The following VAMP7 variants were observed in gnomAD, a reference collection of about 807,000 sequenced individuals.
VAMP7 encodes vesicle associated membrane protein 7.
In VAMP7, 14 loss-of-function variants were observed where a neutral mutation model predicts 29.6. The observed-to-expected ratio is 0.47, with a 90% CI of 0.31 to 0.74. The LOEUF (loss-of-function observed/expected upper bound fraction) is 0.74. VAMP7 is among the 30% of genes least tolerant of loss of function. VAMP7 has a pLI of 0.05. For synonymous variants in VAMP7, 95 were observed against 88.1 expected, an observed-to-expected ratio of 1.08 and a Z score of -0.44; for missense variants, 223 against 262.4, an observed-to-expected ratio of 0.85 and a Z score of 1.04.
At chrX:155,930,529 A>G (rs1235386715) in intron 6 of VAMP7, among the ~76,000 whole-genome samples, 1 of 151,260 alleles carries the variant, frequency 6.6e-6, no homozygotes, top group Non-Finnish European at 1.5e-5. Context: ...GTGCACCTGT[A>G]GTCCTAGCTA....
intron 6 of VAMP7, among the ~76,000 whole-genome samples, chrX:155,936,082 C>CG (rs199777820): frequency 1 from 152,096 of 152,140 alleles, 76,026 homozygotes; most frequent in Middle Eastern, 1. Context: ...GAGGGGTACC[C>CG]GCCGTGTGAG....
intron 2 of VAMP7, among the ~76,000 whole-genome samples, chrX:155,891,615 TC>T (rs1406002503): frequency 6.6e-6 from 1 of 152,232 alleles, no homozygotes; most frequent in East Asian, 1.9e-4. Flanking sequence ...GTCATTGCTT[TC>T]CAGTAATGAT....
At position 155,896,552 on chromosome X, in the gene VAMP7, C is replaced by T. The variant is rs145121223; in HGVS notation, c.204+872C>T. On this transcript the variant is annotated intron_variant, in intron 3 of 7. Transcript: ENST00000286448. ...GTCCTTTCTCTTCTCTGCTTATCTC[C>T]GTGTCTCCTTCTTCCCAGACAGGTT... is the stretch of plus-strand genomic sequence containing the variant. Among the ~76,000 whole-genome samples, 257 of 152,274 alleles carry T rather than the reference C, an allele frequency of 1.7e-3. 8 individuals are homozygous for T. The East Asian group carries it at 0.044, about 26-fold the overall frequency.
chrX:155,930,641 A>T (rs2066536162), intron 6 of VAMP7, among the ~76,000 whole-genome samples: 1 of 147,178 alleles, frequency 6.8e-6, no homozygotes, highest in East Asian at 2.0e-4. Flanking sequence ...CAGAGGGGTG[A>T]CCTCCATCTC....
intron 6 of VAMP7, among the ~76,000 whole-genome samples, chrX:155,926,243 C>T (rs1040598377): frequency 4.6e-5 from 7 of 152,148 alleles, no homozygotes; most frequent in South Asian, 2.1e-4. Context: ...CTATGAAAGT[C>T]CTAGATGGCA....
Position 155,939,687 on chromosome X carries a change from C to T in VAMP7, c.502-14C>T, listed in dbSNP as rs780851005. 55 of 1,601,930 alleles carry T rather than the reference C, an allele frequency of 3.4e-5. No individual in the cohort carries two copies. The highest frequency in any genetic ancestry group is 4.5e-5 in the Non-Finnish European group (53 of 1,169,174). On this transcript the variant is annotated splice_polypyrimidine_tract_variant and intron_variant, in intron 6 of 7. Coordinates refer to ENST00000286448, the MANE Select transcript of VAMP7 (RefSeq NM_005638.6). Reference sequence around the variant, plus strand: ...TCAGTGCCAGGGGTTAAACAATTCTCGCCTCTTTTCTAGTCTGTCACCTTC... The same window carrying T: ...TCAGTGCCAGGGGTTAAACAATTCTTGCCTCTTTTCTAGTCTGTCACCTTC...
intron 1 of VAMP7, among the ~76,000 whole-genome samples, chrX:155,885,638 A>G (rs1302132131): frequency 4.6e-5 from 7 of 152,174 alleles, no homozygotes; most frequent in Admixed American, 2.0e-4. Context: ...CCTTTATCCA[A>G]TATGACTGGC....
At chrX:155,909,893 G>A (rs1357521308) in intron 5 of VAMP7, among the ~76,000 whole-genome samples, 1 of 152,116 alleles carries the variant, frequency 6.6e-6, no homozygotes, top group Non-Finnish European at 1.5e-5. Flanking sequence ...TAATGATCAA[G>A]TCAGGATATA....
chrX:155,942,301 A>G lies in VAMP7; in HGVS notation c.*350A>G, dbSNP rs1156285490. On this transcript the variant is annotated 3_prime_UTR_variant, in exon 8 of 8. Transcript: ENST00000286448. ...TGAGCTATCTACTAAAACTATGGAG[A>G]AACTTTGTATGTGCACACAAAAGTA... 12 of 860,264 alleles carry G rather than the reference A, an allele frequency of 1.4e-5. No homozygotes were observed. Among genetic ancestry groups the G allele is most frequent in the East Asian group, 2.7e-5 (1 of 37,500 alleles). The allele number at this position is 860,264 out of a possible 1,614,324, so 53.3% of individuals were successfully genotyped here. A position where few individuals can be genotyped will look rare whatever the true frequency, so the allele number is the denominator to read the frequency against.
intron 6 of VAMP7, among the ~76,000 whole-genome samples, chrX:155,930,395 T>C (rs1227007811): frequency 2.0e-5 from 3 of 151,880 alleles, no homozygotes; most frequent in Non-Finnish European, 4.4e-5. Flanking sequence ...CTAATACTTA[T>C]ACTTTGGGAG....
intron 6 of VAMP7, among the ~76,000 whole-genome samples, chrX:155,931,807 C>T (rs188387927): frequency 1.8e-4 from 27 of 152,230 alleles, no homozygotes; most frequent in South Asian, 1.2e-3. Flanking sequence ...AATGGTATTA[C>T]CTAGGTTTTC....
At chrX:155,928,352 T>G (rs1273103571) in intron 6 of VAMP7, among the ~76,000 whole-genome samples, 1 of 152,208 alleles carries the variant, frequency 6.6e-6, no homozygotes. Flanking sequence ...AAAATTTATT[T>G]TCTCCCACTA....
chrX:155,909,699 G>A (rs764011148), intron 5 of VAMP7, among the ~76,000 whole-genome samples: 25 of 152,272 alleles, frequency 1.6e-4, no homozygotes, highest in Admixed American at 3.3e-4. Context: ...AGATCACGGT[G>A]CCAGTATGGT....
rs981656928 is a variant in VAMP7, at chrX:155,939,769, T to G, written c.570T>G (p.Thr190=). ...RAMCMKNLKL[T]IIIIIVSIVF... Reference sequence around the variant, plus strand: ...TGTGTATGAAGAACCTCAAGCTCACTATTATCATCATCATCGTATCAATTG... The same window carrying G: ...TGTGTATGAAGAACCTCAAGCTCACGATTATCATCATCATCGTATCAATTG... The change falls in exon 7 of 8, where the codon ACT becomes ACG. Residue 190 remains threonine, a synonymous_variant. Coordinates refer to ENST00000286448, the MANE Select transcript of VAMP7 (RefSeq NM_005638.6). 1 of 1,610,802 alleles carries G rather than the reference T, an allele frequency of 6.2e-7. No homozygotes were observed. Among genetic ancestry groups the G allele is most frequent in the Non-Finnish European group, 8.5e-7 (1 of 1,176,976 alleles).
intron 5 of VAMP7, among the ~76,000 whole-genome samples, chrX:155,913,679 T>C (rs1202725673): frequency 6.6e-6 from 1 of 152,084 alleles, no homozygotes; most frequent in African/African-American, 2.4e-5. Context: ...GATCAGATGG[T>C]TGTAGATGTG....
chrX:155,915,118 C>A (rs1447703035), intron 5 of VAMP7, among the ~76,000 whole-genome samples: 1 of 152,210 alleles, frequency 6.6e-6, no homozygotes, highest in East Asian at 1.9e-4. Context: ...GGAATTTATC[C>A]ATTTCTTCCA....
At chrX:155,925,251 A>G (rs1253453550) in intron 6 of VAMP7, among the ~76,000 whole-genome samples, 2 of 152,178 alleles carry the variant, frequency 1.3e-5, no homozygotes, top group East Asian at 3.9e-4. Flanking sequence ...GGCATCTAGA[A>G]TGGTGAATCC....
chrX:155,904,533 A>G (rs1334741910), intron 5 of VAMP7, among the ~76,000 whole-genome samples: 1 of 152,004 alleles, frequency 6.6e-6, no homozygotes, highest in Admixed American at 6.6e-5. Flanking sequence ...CATTGCTGCG[A>G]TCAATTTTGT....
chrX:155,882,379 A>T (rs1195498409), intron 1 of VAMP7, among the ~76,000 whole-genome samples: 4 of 152,204 alleles, frequency 2.6e-5, no homozygotes, highest in South Asian at 2.1e-4. Flanking sequence ...ATGCAAAATA[A>T]AACAGGTGGT....
Sources: allele counts gnomAD v4.1 joint callset (sites outside exome capture counted in the v4.1 genomes callset), GRCh38; gene constraint gnomAD v4.1.1; transcripts MANE v1.5; gene names NCBI Gene and HGNC (gene_info 2026-07-23, HGNC 2026-07-21).